SVIL: variants seen among roughly 807,000 people sequenced by gnomAD.
SVIL encodes the protein archvillin.
SVIL carries 101 observed loss-of-function variants against 240.4 expected under a neutral mutation model. The observed-to-expected ratio is 0.42, with a 90% CI of 0.36 to 0.50. The LOEUF (loss-of-function observed/expected upper bound fraction) is 0.50. Ranked by LOEUF, SVIL falls within the 20% of genes least tolerant of loss-of-function variation. The pLI is 0.01. For missense variants in SVIL, 2,512 were observed against 2,818.7 expected (o/e 0.89, Z 2.46); for synonymous variants, 999 against 1,100.0 (o/e 0.91, Z 1.82).
intron 16 of SVIL, among the ~76,000 whole-genome samples, chr10:29,516,565 C>A (rs933344128): frequency 4.6e-5 from 7 of 152,196 alleles, no homozygotes; most frequent in Non-Finnish European, 7.3e-5. Flanking sequence ...TCTGGGCCTA[C>A]GCAGGACATA....
At chr10:29,663,266 T>C (rs1564745002) in intron 2 of SVIL, among the ~76,000 whole-genome samples, 1 of 152,246 alleles carries the variant, frequency 6.6e-6, no homozygotes, top group Non-Finnish European at 1.5e-5. Flanking sequence ...TGAATATTGT[T>C]CCAAATACTG....
chr10:29,585,059 G>A (rs906714995), intron 1 of SVIL, among the ~76,000 whole-genome samples: 1 of 151,220 alleles, frequency 6.6e-6, no homozygotes, highest in Non-Finnish European at 1.5e-5. Flanking sequence ...ACATCACCAT[G>A]CTCAGCTAAT....
At chr10:29,636,662 C>T (rs773699265), upstream of SVIL, among the ~76,000 whole-genome samples, 48 of 152,158 alleles carry the variant, frequency 3.2e-4, no homozygotes, top group Admixed American at 2.2e-3. Context: ...TTAGAAGACT[C>T]ATCATACTCA....
intron 1 of SVIL, among the ~76,000 whole-genome samples, chr10:29,600,481 G>A (rs541277203): frequency 9.2e-5 from 14 of 152,122 alleles, no homozygotes; most frequent in South Asian, 2.1e-4. Flanking sequence ...GTGAATCAGC[G>A]TGCAGCCCAG....
At chr10:29,653,222 C>T (rs1327777070) in intron 3 of SVIL, among the ~76,000 whole-genome samples, 4 of 152,152 alleles carry the variant, frequency 2.6e-5, no homozygotes, top group South Asian at 2.1e-4. Flanking sequence ...GTGATTGGAT[C>T]GTGGGGGCAA....
intron 2 of SVIL, among the ~76,000 whole-genome samples, chr10:29,672,763 G>A (rs931379152): frequency 5.4e-4 from 56 of 103,384 alleles, no homozygotes; most frequent in African/African-American, 1.9e-3. Flanking sequence ...TTTTAGCACT[G>A]CTATTCCATG....
rs1428992198 is a variant in SVIL, at chr10:29,458,138, T to C, written c.*109A>G. 2.8e-6 allele frequency: 3 copies of C among 1,087,384 alleles called. No individual in the cohort carries two copies. The highest frequency in any genetic ancestry group is 4.0e-6 in the Non-Finnish European group (3 of 747,856). 67.4% of individuals were successfully genotyped at this position (1,087,384 alleles called of 1,614,324 possible). A position where few individuals can be genotyped will look rare whatever the true frequency, so the allele number is the denominator to read the frequency against. Reference sequence around the variant, plus strand: ...TAACAATGTCAGGTTCTGAAAACTCTGATTGAAAAATACTTTGTGAAAAAC... The same window carrying C: ...TAACAATGTCAGGTTCTGAAAACTCCGATTGAAAAATACTTTGTGAAAAAC... On this transcript the variant is annotated 3_prime_UTR_variant, in exon 38 of 38. Transcript: ENST00000355867.
intron 9 of SVIL, among the ~76,000 whole-genome samples, 194 bp downstream of exon 9, chr10:29,531,808 T>C (rs186401265): frequency 2.0e-5 from 3 of 152,356 alleles, no homozygotes; most frequent in Admixed American, 1.3e-4. Context: ...GTATGTATCA[T>C]AATACCGCTG....
chr10:29,635,661 G>A (rs1958284441), upstream of SVIL, among the ~76,000 whole-genome samples: 1 of 152,132 alleles, frequency 6.6e-6, no homozygotes, highest in Non-Finnish European at 1.5e-5. Context: ...ATGGCCATAT[G>A]CATTTTTTTA....
intron 31 of SVIL, among the ~76,000 whole-genome samples, 164 bp from the exon 32 acceptor site, chr10:29,470,647 A>G (rs1945465095): frequency 6.6e-6 from 1 of 152,170 alleles, no homozygotes; most frequent in Admixed American, 6.5e-5. Context: ...AGCCCTGTGG[A>G]GCACTGAGGC....
At chr10:29,594,516 C>T (rs1039453841) in intron 1 of SVIL, among the ~76,000 whole-genome samples, 3 of 150,064 alleles carry the variant, frequency 2.0e-5, no homozygotes, top group South Asian at 2.1e-4. Flanking sequence ...AAGTGGGAGG[C>T]GAGGAGTTTA....
chr10:29,719,286 A>G (rs1442561459), intron 1 of SVIL, among the ~76,000 whole-genome samples: 1 of 152,202 alleles, frequency 6.6e-6, no homozygotes, highest in Non-Finnish European at 1.5e-5. Context: ...TAGTGTTCCA[A>G]TTATGGAACA....
intron 17 of SVIL, among the ~76,000 whole-genome samples, chr10:29,504,434 G>C (rs1438255859): frequency 1.3e-5 from 2 of 152,104 alleles, no homozygotes; most frequent in African/African-American, 4.8e-5. Flanking sequence ...ATTTGCAAAA[G>C]ACATATCTGA....
intron 3 of SVIL, among the ~76,000 whole-genome samples, chr10:29,640,340 C>T (rs566262081): frequency 6.6e-6 from 1 of 152,284 alleles, no homozygotes; most frequent in East Asian, 1.9e-4. Context: ...ACACTCCTTT[C>T]CTCAGCTCTC....
intron 2 of SVIL, among the ~76,000 whole-genome samples, chr10:29,660,123 A>G (rs1959113532): frequency 6.6e-6 from 1 of 152,100 alleles, no homozygotes; most frequent in Admixed American, 6.5e-5. Flanking sequence ...GTTCAAGACT[A>G]AGCTGGGCAA....
At chr10:29,554,981 C>A in intron 4 of SVIL, 47 bp from the exon 5 acceptor site, 1 of 1,610,058 alleles carries the variant, frequency 6.2e-7, no homozygotes, top group Non-Finnish European at 8.5e-7. Context: ...GCGATCGAAT[C>A]TAAAGGAAAA....
intron 20 of SVIL, 24 bp from the exon 21 acceptor site, chr10:29,493,415 A>T (rs760701985): frequency 3.1e-6 from 5 of 1,611,766 alleles, no homozygotes; most frequent in Non-Finnish European, 3.4e-6. Context: ...AGCAAAAGAC[A>T]TAAGAGTTTT....
intron 1 of SVIL, among the ~76,000 whole-genome samples, chr10:29,704,172 G>A (rs544286526): frequency 1.3e-5 from 2 of 152,130 alleles, no homozygotes; most frequent in East Asian, 1.9e-4. Flanking sequence ...TGGGCTGGGC[G>A]CCTCAGCCTA....
intron 1 of SVIL, among the ~76,000 whole-genome samples, chr10:29,633,731 T>C (rs931969367): frequency 3.3e-5 from 5 of 152,196 alleles, no homozygotes; most frequent in African/African-American, 1.2e-4. Flanking sequence ...CTGCTGTTTT[T>C]CAGCAGAAAC....
Sources: allele counts gnomAD v4.1 joint callset (sites outside exome capture counted in the v4.1 genomes callset), GRCh38; gene constraint gnomAD v4.1.1; transcripts MANE v1.5; gene names NCBI Gene and HGNC (gene_info 2026-07-23, HGNC 2026-07-21).